The following SLC24A2 variants were observed in gnomAD, a reference collection of about 807,000 sequenced individuals.
The protein encoded by SLC24A2 is sodium/potassium/calcium exchanger 2.
A neutral mutation model predicts 62.0 loss-of-function variants in SLC24A2; 36 were observed. The observed-to-expected ratio is 0.58, with a 90% CI of 0.44 to 0.77. The LOEUF is 0.77. SLC24A2 is among the 30% of genes least tolerant of loss of function. The pLI is 0.00. For synonymous variants in SLC24A2, 358 were observed against 294.0 expected (o/e 1.22, Z -2.23); for missense variants, 846 against 817.9 (o/e 1.03, Z -0.42).
rs1474587029 is a variant in SLC24A2, at chr9:19,725,244, C to T, written c.930+60693G>A. Among the ~76,000 whole-genome samples the T allele has an allele frequency of 3.9e-5, 6 of 152,258 alleles. No homozygotes were observed. The East Asian group carries it at 1.2e-3, about 29-fold the overall frequency. ...TTCCCCCCACAACAAAGAAATGGTG[C>T]TCGGGCTGAGAAACCCTGATTATAT... On this transcript the variant is annotated intron_variant, in intron 2 of 10. Coordinates refer to ENST00000341998, the MANE Select transcript of SLC24A2 (RefSeq NM_020344.4).
intron 8 of SLC24A2, among the ~76,000 whole-genome samples, chr9:19,534,918 C>G (rs1479049481): frequency 6.6e-6 from 1 of 152,088 alleles, no homozygotes; most frequent in African/African-American, 2.4e-5. Flanking sequence ...ATTCTAGATC[C>G]TTGAGGAATT....
chr9:20,202,696 A>AG, the SLC24A2 span, among the ~76,000 whole-genome samples: 722 of 152,324 alleles, frequency 4.7e-3, 6 homozygotes, highest in South Asian at 0.024. Context: ...TTGGAAGAAG[A>AG]GGGGAGAAAG....
Position 19,528,061 on chromosome 9 carries a change from C to G in SLC24A2, c.1557G>C (p.Trp519Cys). The G allele has an allele frequency of 6.3e-7, 1 of 1,591,200 alleles. No individual in the cohort carries two copies. Among genetic ancestry groups the G allele is most frequent in the Non-Finnish European group, 8.6e-7 (1 of 1,167,054 alleles). ...ATCAAAATCTTACCTGGTGCGCCCA[C>G]CAGACCATCAAGTAAGAGAATACTG... ...WIAVFSYLMVWWAHQVGETIG... is the reference protein window; with the variant it reads ...WIAVFSYLMVCWAHQVGETIG... The change falls in exon 9 of 11, where the codon TGG becomes TGC. Residue 519 changes from tryptophan to cysteine, a missense_variant. Coordinates refer to ENST00000341998, the MANE Select transcript of SLC24A2 (RefSeq NM_020344.4).
the SLC24A2 span, among the ~76,000 whole-genome samples, chr9:19,966,249 G>A: frequency 2.6e-5 from 4 of 152,118 alleles, no homozygotes; most frequent in Non-Finnish European, 4.4e-5. Flanking sequence ...ATTGTGTCTA[G>A]CGTGGTATTT....
the SLC24A2 span, among the ~76,000 whole-genome samples, chr9:20,279,356 C>T: frequency 6.6e-6 from 1 of 152,062 alleles, no homozygotes; most frequent in South Asian, 2.1e-4. Context: ...CATGGTGAAA[C>T]CCCATCTCTA....
chr9:19,671,514 ACTTCCT>A (rs1819415394), intron 2 of SLC24A2, among the ~76,000 whole-genome samples: 1 of 152,104 alleles, frequency 6.6e-6, no homozygotes, highest in African/African-American at 2.4e-5. Context: ...CAACAGTTTG[ACTTCCT>A]CTTTACCAAT....
At chr9:20,078,262 T>C in the SLC24A2 span, among the ~76,000 whole-genome samples, 1 of 152,110 alleles carries the variant, frequency 6.6e-6, no homozygotes, top group Non-Finnish European at 1.5e-5. Context: ...TGAGCTTGTT[T>C]CTGTTGCTAT....
chr9:19,986,374 C>T, the SLC24A2 span, among the ~76,000 whole-genome samples: 3 of 151,144 alleles, frequency 2.0e-5, no homozygotes, highest in Non-Finnish European at 2.9e-5. Context: ...CAAAACTGGC[C>T]GTTCCTCAAA....
chr9:19,655,900 C>T (rs1818929228), intron 2 of SLC24A2, among the ~76,000 whole-genome samples: 3 of 152,004 alleles, frequency 2.0e-5, no homozygotes, highest in Non-Finnish European at 1.5e-5. Flanking sequence ...AGAAGGGCAC[C>T]GTGGCTTGAC....
the SLC24A2 span, among the ~76,000 whole-genome samples, chr9:19,882,664 T>A: frequency 7.1e-6 from 1 of 140,878 alleles, no homozygotes. Flanking sequence ...ATCTACAGGT[T>A]AAAAAAAAAA....
chr9:20,158,152 A>C, the SLC24A2 span, among the ~76,000 whole-genome samples: 1 of 151,742 alleles, frequency 6.6e-6, no homozygotes, highest in East Asian at 1.9e-4. Flanking sequence ...GAAGAAATGC[A>C]ATAAGAATGG....
chr9:20,269,985 T>G, the SLC24A2 span, among the ~76,000 whole-genome samples: 1 of 152,202 alleles, frequency 6.6e-6, no homozygotes, highest in African/African-American at 2.4e-5. Flanking sequence ...TGGCAAGATT[T>G]TTCATGCTGC....
chr9:20,098,087 T>C, the SLC24A2 span, among the ~76,000 whole-genome samples: 1 of 152,028 alleles, frequency 6.6e-6, no homozygotes, highest in South Asian at 2.1e-4. Flanking sequence ...ATAAAGTATA[T>C]ATAAAGTATA....
the SLC24A2 span, among the ~76,000 whole-genome samples, chr9:20,020,965 A>G: frequency 2.9e-3 from 445 of 152,236 alleles, 1 homozygote; most frequent in Admixed American, 5.2e-3. Flanking sequence ...CATTTGTCCA[A>G]TTGGAGAATT....
intron 4 of SLC24A2, among the ~76,000 whole-genome samples, chr9:19,609,457 C>T (rs1001080029): frequency 2.0e-4 from 30 of 152,294 alleles, no homozygotes; most frequent in African/African-American, 7.0e-4. Context: ...CTTGATGATG[C>T]TTTTTTGTAC....
the SLC24A2 span, among the ~76,000 whole-genome samples, chr9:20,227,909 T>C: frequency 6.6e-6 from 1 of 152,162 alleles, no homozygotes; most frequent in African/African-American, 2.4e-5. Flanking sequence ...GAAATTCTGC[T>C]CTATCCACAA....
chr9:19,655,099 C>T (rs985694689), intron 2 of SLC24A2, among the ~76,000 whole-genome samples: 2 of 152,170 alleles, frequency 1.3e-5, no homozygotes, highest in Admixed American at 1.3e-4. Context: ...GTCCATTCAC[C>T]TTGAAATTAT....
the SLC24A2 span, among the ~76,000 whole-genome samples, chr9:20,017,991 G>C: frequency 1.3e-5 from 2 of 152,266 alleles, no homozygotes; most frequent in African/African-American, 2.4e-5. Flanking sequence ...GTGTCACCCA[G>C]GCTGGAGTGC....
At chr9:19,946,002 C>T in the SLC24A2 span, among the ~76,000 whole-genome samples, 1 of 152,094 alleles carries the variant, frequency 6.6e-6, no homozygotes, top group Non-Finnish European at 1.5e-5. Flanking sequence ...ACCCAAGGTC[C>T]CAATCAGTTT....
Sources: gnomAD v4.1 joint callset for allele counts (sites outside exome capture counted in the v4.1 genomes callset) on GRCh38, gnomAD v4.1.1 for gene constraint, MANE v1.5 for transcripts, NCBI Gene and HGNC (gene_info 2026-07-23, HGNC 2026-07-21) for gene names.